Variants in XRCC5 observed in about 807,000 individuals in gnomAD.
XRCC5 encodes DNA repair protein Ku80.
Under a neutral mutation model 95.7 loss-of-function variants are expected in XRCC5, and 12 were observed. That is an observed-to-expected ratio of 0.13 (90% CI 0.08 to 0.20). The LOEUF is 0.20. XRCC5 is among the 10% of genes least tolerant of loss of function. The probability of loss-of-function intolerance (pLI) is 1.00; values close to 1 mark genes in which losing one functional copy is unlikely to be tolerated. For missense variants in XRCC5, 595 were observed against 873.9 expected (o/e 0.68, Z 4.02); for synonymous variants, 281 against 290.3 (o/e 0.97, Z 0.33).
chr2:216,124,668 C>T (rs943484458), intron 6 of XRCC5, among the ~76,000 whole-genome samples: 3 of 152,164 alleles, frequency 2.0e-5, no homozygotes, highest in African/African-American at 4.8e-5. Context: ...GAGTCTCTTG[C>T]GACCTGTCTG....
chr2:216,155,447 A>G (rs1023787501), intron 14 of XRCC5, among the ~76,000 whole-genome samples: 16 of 152,170 alleles, frequency 1.1e-4, no homozygotes, highest in African/African-American at 3.6e-4. Context: ...TCAAAGCAAA[A>G]AAAAACATTG....
At chr2:216,198,701 C>T (rs1451375000) in intron 19 of XRCC5, among the ~76,000 whole-genome samples, 3 of 151,996 alleles carry the variant, frequency 2.0e-5, no homozygotes, top group Non-Finnish European at 2.9e-5. Context: ...TACAAGTGCG[C>T]ACCACCCCAC....
chr2:216,138,003 T>C (rs566388291), intron 11 of XRCC5, 86 bp from the exon 12 acceptor site: 11 of 1,170,256 alleles, frequency 9.4e-6, no homozygotes, highest in East Asian at 5.0e-5. Flanking sequence ...ATTTCTGTTA[T>C]GCTACTTTCA....
intron 16 of XRCC5, among the ~76,000 whole-genome samples, chr2:216,184,208 C>T (rs1689448551): frequency 6.6e-6 from 1 of 152,048 alleles, no homozygotes; most frequent in Non-Finnish European, 1.5e-5. Context: ...TTGTCATGGT[C>T]CACACGGTTG....
rs370663938 is a variant in XRCC5, at chr2:216,148,241, G to A, written c.1635G>A (p.Lys545=). The change falls in exon 14 of 21, where the codon AAG becomes AAA. Residue 545 remains lysine (K), a synonymous_variant. Coordinates refer to ENST00000392132, the MANE Select transcript of XRCC5 (RefSeq NM_021141.4). ...TLFPLIEAKK[K]DQVTAQEIFQ... ...TTCCTCTGATTGAAGCCAAGAAAAAGGATCAAGTGACTGCTCAGGAAATTT... is the reference window on the plus strand; with the variant it reads ...TTCCTCTGATTGAAGCCAAGAAAAAAGATCAAGTGACTGCTCAGGAAATTT... 1.1e-4 allele frequency: 182 copies of A among 1,611,438 alleles called. No individual in the cohort carries two copies. Among genetic ancestry groups the A allele is most frequent in the Non-Finnish European group, 1.5e-4 (179 of 1,179,436 alleles).
intron 6 of XRCC5, 94 bp from the exon 7 acceptor site, chr2:216,125,823 A>G: frequency 8.3e-6 from 8 of 969,622 alleles, no homozygotes; most frequent in Non-Finnish European, 1.3e-5. Context: ...AATTAACATT[A>G]GCTCACTTCT....
chr2:216,199,135 TA>T (rs971750668), intron 19 of XRCC5, among the ~76,000 whole-genome samples: 1 of 152,252 alleles, frequency 6.6e-6, no homozygotes, highest in African/African-American at 2.4e-5. Flanking sequence ...AACTTGACTA[TA>T]ATCACTGAGG....
In XRCC5 at chr2:216,160,177, C is replaced by T; in HGVS notation, c.1764+16C>T. 2 of 1,563,222 alleles carry T rather than the reference C, an allele frequency of 1.3e-6. No homozygotes were observed. The highest frequency in any genetic ancestry group is 8.7e-7 in the Non-Finnish European group (1 of 1,148,514). ...TGTCACCTCTGTAAGCTAAGCTTTT[C>T]AAGTGCGCTTCCCCCTTTGCAGGAA... On this transcript the variant is annotated intron_variant, in intron 15 of 20. Coordinates refer to ENST00000392132, the MANE Select transcript of XRCC5 (RefSeq NM_021141.4).
At chr2:216,199,718 G>A (rs925319511) in intron 19 of XRCC5, among the ~76,000 whole-genome samples, 1 of 151,648 alleles carries the variant, frequency 6.6e-6, no homozygotes, top group East Asian at 1.9e-4. Context: ...CACCGGCCAG[G>A]AATCTAGTTC....
chr2:216,195,779 G>A (rs1559264071), intron 19 of XRCC5, among the ~76,000 whole-genome samples: 5 of 152,186 alleles, frequency 3.3e-5, no homozygotes, highest in Non-Finnish European at 2.9e-5. Flanking sequence ...AATGAATTAA[G>A]TTGAATAGCT....
intron 5 of XRCC5, among the ~76,000 whole-genome samples, chr2:216,121,720 G>A (rs559218674): frequency 1.0e-3 from 155 of 152,282 alleles, no homozygotes; most frequent in Non-Finnish European, 1.9e-3. Context: ...GAGGCCAGTC[G>A]GAGAGAGTGA....
intron 14 of XRCC5, among the ~76,000 whole-genome samples, chr2:216,148,851 TAA>T (rs1688687503): frequency 6.6e-6 from 1 of 152,242 alleles, no homozygotes; most frequent in African/African-American, 2.4e-5. Context: ...AACTGGCTAT[TAA>T]GTTTTTTCCC....
At chr2:216,163,056 C>T (rs771987319) in intron 16 of XRCC5, among the ~76,000 whole-genome samples, 12 of 152,142 alleles carry the variant, frequency 7.9e-5, no homozygotes, top group Non-Finnish European at 1.5e-4. Context: ...TGCGAGCTGA[C>T]TTCTACGTAT....
chr2:216,182,467 G>A lies in XRCC5; in HGVS notation c.1835-7758G>A, dbSNP rs180693640. On this transcript the variant is annotated intron_variant, in intron 16 of 20. Transcript: ENST00000392132. Reference sequence around the variant, plus strand: ...TACTGCTCATTTGGAATGGAATCAAGCATGGTGATAAGGTTCTTAATTCTT... The same window carrying A: ...TACTGCTCATTTGGAATGGAATCAAACATGGTGATAAGGTTCTTAATTCTT... Among the ~76,000 whole-genome samples, 155 of 152,236 alleles carry A rather than the reference G, an allele frequency of 1.0e-3. 1 individual carries two copies. The highest frequency in any genetic ancestry group is 3.6e-3 in the African/African-American group (148 of 41,536).
chr2:216,170,654 T>C (rs559779717), intron 16 of XRCC5, among the ~76,000 whole-genome samples: 14 of 152,266 alleles, frequency 9.2e-5, no homozygotes, highest in African/African-American at 3.4e-4. Context: ...CCAAACCATA[T>C]CATTTCAGCT....
At chr2:216,170,370 C>A (rs1207278131) in intron 16 of XRCC5, among the ~76,000 whole-genome samples, 3 of 151,936 alleles carry the variant, frequency 2.0e-5, no homozygotes, top group Non-Finnish European at 2.9e-5. Flanking sequence ...AATAATTTCC[C>A]ATCTGGCTGA....
chr2:216,176,824 A>G (rs180681040), intron 16 of XRCC5, among the ~76,000 whole-genome samples: 7 of 152,336 alleles, frequency 4.6e-5, no homozygotes, highest in African/African-American at 1.7e-4. Flanking sequence ...CTCTTTTCTA[A>G]TATAGGCATT....
intron 14 of XRCC5, among the ~76,000 whole-genome samples, chr2:216,157,427 G>C (rs1233284950): frequency 6.6e-6 from 1 of 151,916 alleles, no homozygotes; most frequent in East Asian, 1.9e-4. Flanking sequence ...TAGAGGTGGG[G>C]TTTCACCGTG....
intron 16 of XRCC5, among the ~76,000 whole-genome samples, chr2:216,187,819 ACACTCTCTCTCTCTCTCT>A (rs1689529431): frequency 2.0e-5 from 1 of 51,006 alleles, no homozygotes; most frequent in African/African-American, 8.8e-5. Flanking sequence ...ACACACACAC[ACACTCTCTCTCTCTCTCT>A]CTCTCTCTCT....
Sources: gnomAD v4.1 joint callset for allele counts (sites outside exome capture counted in the v4.1 genomes callset) on GRCh38, gnomAD v4.1.1 for gene constraint, MANE v1.5 for transcripts, NCBI Gene and HGNC (gene_info 2026-07-23, HGNC 2026-07-21) for gene names.